The following RALYL variants were observed in gnomAD, a reference collection of about 807,000 sequenced individuals.
The protein encoded by RALYL is RALY RNA binding protein like, also known as RNA-binding Raly-like protein.
In RALYL, 29 loss-of-function variants were observed where a neutral mutation model predicts 35.1. The ratio of observed to expected loss-of-function variants is 0.83; its 90% CI spans 0.61 to 1.13. The LOEUF (loss-of-function observed/expected upper bound fraction) is 1.13. Among genes scored for constraint, RALYL ranks in the 50% most tolerant of loss-of-function variants. The pLI is 0.00. For missense variants in RALYL, 359 were observed against 360.4 expected (o/e 1.00, Z 0.03); for synonymous variants, 120 against 127.6 (o/e 0.94, Z 0.40).
At chr8:84,466,082 C>T (rs1350898873) in intron 1 of RALYL, among the ~76,000 whole-genome samples, 2 of 96,718 alleles carry the variant, frequency 2.1e-5, no homozygotes, top group African/African-American at 8.3e-5. Flanking sequence ...ATCATGTCAT[C>T]TGCAAACAGG....
intron 5 of RALYL, among the ~76,000 whole-genome samples, chr8:84,850,887 T>C (rs1012247599): frequency 6.6e-6 from 1 of 152,200 alleles, no homozygotes; most frequent in Non-Finnish European, 1.5e-5. Flanking sequence ...TTCCCCTCCA[T>C]AGCGTTATAC....
intron 1 of RALYL, among the ~76,000 whole-genome samples, chr8:84,448,718 T>G (rs531206336): frequency 6.6e-6 from 1 of 152,044 alleles, no homozygotes; most frequent in East Asian, 1.9e-4. Context: ...TTTTGACTCA[T>G]AGAGATTCAT....
At chr8:84,196,950 G>T (rs2130943323) in intron 1 of RALYL, among the ~76,000 whole-genome samples, 1 of 152,244 alleles carries the variant, frequency 6.6e-6, no homozygotes, top group Non-Finnish European at 1.5e-5. Context: ...CTACTCATTT[G>T]TTATTTGGCC....
At chr8:84,666,350 G>T (rs961455471) in intron 2 of RALYL, among the ~76,000 whole-genome samples, 1 of 151,874 alleles carries the variant, frequency 6.6e-6, no homozygotes, top group Non-Finnish European at 1.5e-5. Context: ...AAATGAGTAC[G>T]CATGTGCACA....
chr8:84,366,042 G>A (rs1355917078), intron 1 of RALYL, among the ~76,000 whole-genome samples: 1 of 152,124 alleles, frequency 6.6e-6, no homozygotes, highest in Non-Finnish European at 1.5e-5. Context: ...CTAGATTCAT[G>A]GTCCCAGATG....
intron 1 of RALYL, among the ~76,000 whole-genome samples, chr8:84,292,576 C>G (rs957506303): frequency 2.6e-5 from 4 of 152,070 alleles, no homozygotes; most frequent in Admixed American, 2.6e-4. Context: ...TCATAAAGAC[C>G]TTGCTGGATA....
intron 2 of RALYL, among the ~76,000 whole-genome samples, chr8:84,617,283 A>C (rs1337007633): frequency 6.6e-6 from 1 of 151,650 alleles, no homozygotes; most frequent in East Asian, 1.9e-4. Context: ...AGTGGATTGT[A>C]GTTCTCCTGC....
At chr8:84,871,433 C>A (rs1156879103) in intron 6 of RALYL, among the ~76,000 whole-genome samples, 1 of 152,116 alleles carries the variant, frequency 6.6e-6, no homozygotes, top group East Asian at 1.9e-4. Flanking sequence ...CTATTTATTT[C>A]TCCTGCATTG....
chr8:84,475,918 G>A (rs2053348926), intron 1 of RALYL, among the ~76,000 whole-genome samples: 1 of 152,124 alleles, frequency 6.6e-6, no homozygotes, highest in African/African-American at 2.4e-5. Context: ...TTTTAAATTT[G>A]GCATTAATGT....
chr8:84,272,416 A>G (rs971868426), intron 1 of RALYL, among the ~76,000 whole-genome samples: 3 of 152,128 alleles, frequency 2.0e-5, no homozygotes, highest in Non-Finnish European at 2.9e-5. Context: ...GTTTAATTGA[A>G]AGAGAGACAT....
intron 1 of RALYL, among the ~76,000 whole-genome samples, chr8:84,252,075 A>G (rs868518577): frequency 1.3e-4 from 20 of 152,058 alleles, no homozygotes; most frequent in African/African-American, 4.6e-4. Context: ...CTTGTTTCAC[A>G]GGTTTTGTTG....
intron 1 of RALYL, among the ~76,000 whole-genome samples, chr8:84,513,789 C>T (rs1001440194): frequency 6.6e-6 from 1 of 151,818 alleles, no homozygotes; most frequent in African/African-American, 2.4e-5. Flanking sequence ...AAATAAACTC[C>T]TTTGAAGATA....
chr8:84,807,072 T>C (rs1389929244), intron 4 of RALYL, among the ~76,000 whole-genome samples: 1 of 152,158 alleles, frequency 6.6e-6, no homozygotes, highest in African/African-American at 2.4e-5. Flanking sequence ...ATGTAAGTTC[T>C]TTAGTGGTGA....
At chr8:84,614,220 A>G (rs1022557960) in intron 2 of RALYL, among the ~76,000 whole-genome samples, 4 of 151,660 alleles carry the variant, frequency 2.6e-5, no homozygotes, top group Admixed American at 1.3e-4. Flanking sequence ...TGTTATTAAT[A>G]TAAGTACGAG....
At chr8:84,865,749 A>T (rs1260527245) in intron 6 of RALYL, among the ~76,000 whole-genome samples, 1 of 152,204 alleles carries the variant, frequency 6.6e-6, no homozygotes, top group Non-Finnish European at 1.5e-5. Context: ...CAATTTCTTT[A>T]AAGAATTAAT....
chr8:84,536,144 T>C (rs956819157), intron 2 of RALYL, among the ~76,000 whole-genome samples: 2 of 152,186 alleles, frequency 1.3e-5, no homozygotes, highest in African/African-American at 4.8e-5. Context: ...CTTCTGTCTC[T>C]TCACATCTTT....
chr8:84,518,123 A>T (rs889129851), intron 1 of RALYL, among the ~76,000 whole-genome samples: 1 of 152,324 alleles, frequency 6.6e-6, no homozygotes. Flanking sequence ...CTAAGTGGAG[A>T]CAACAAATGT....
intron 3 of RALYL, among the ~76,000 whole-genome samples, chr8:84,804,563 C>T (rs1387331620): frequency 6.6e-6 from 1 of 152,098 alleles, no homozygotes; most frequent in East Asian, 1.9e-4. Flanking sequence ...CCAAGACTCT[C>T]ATTTTATTTA....
In RALYL at chr8:84,553,711, GA is replaced by G. The variant is rs141771571; in HGVS notation, c.256+24144del. On this transcript the variant is annotated intron_variant, in intron 2 of 8. Transcript: ENST00000521268. ...AAGTAACATTTTCTTATTGTGCCTG[GA>G]AAAAAAAAAGGAGTGAAAATTTATT... 1.7e-4 allele frequency among the ~76,000 whole-genome samples: 25 copies of G among 145,690 alleles called. No homozygotes were observed. The East Asian group carries it at 2.8e-3, about 16-fold the overall frequency.
Sources: gnomAD v4.1 joint callset for allele counts (sites outside exome capture counted in the v4.1 genomes callset) on GRCh38, gnomAD v4.1.1 for gene constraint, MANE v1.5 for transcripts, NCBI Gene and HGNC (gene_info 2026-07-23, HGNC 2026-07-21) for gene names.